Variants in GOLGA8B observed in about 807,000 individuals in gnomAD.
GOLGA8B encodes golgin subfamily A member 8B.
A neutral mutation model predicts 15.6 loss-of-function variants in GOLGA8B; 1 was observed. The ratio of observed to expected loss-of-function variants is 0.06; its 90% CI spans 0.02 to 0.30. The LOEUF is 0.30. Ranked by LOEUF, GOLGA8B falls within the 10% of genes least tolerant of loss-of-function variation. GOLGA8B has a pLI of 1.00. For synonymous variants in GOLGA8B, 9 were observed against 80.3 expected, an observed-to-expected ratio of 0.11 and a Z score of 4.75; for missense variants, 17 against 201.3, an observed-to-expected ratio of 0.08 and a Z score of 5.54.
chr15:34,581,157 A>G (rs1488251236), intron 1 of GOLGA8B, among the ~76,000 whole-genome samples: 1 of 152,228 alleles, frequency 6.6e-6, no homozygotes, highest in Admixed American at 6.5e-5. Flanking sequence ...ACTTCAGACC[A>G]TGGTGTCACC....
At chr15:34,577,235 C>G (rs1053549884) in intron 1 of GOLGA8B, among the ~76,000 whole-genome samples, 1 of 152,072 alleles carries the variant, frequency 6.6e-6, no homozygotes, top group Admixed American at 6.6e-5. Flanking sequence ...GTTTTAATTG[C>G]ACAATGCACA....
chr15:34,581,889 C>G (rs190705412), intron 1 of GOLGA8B, among the ~76,000 whole-genome samples: 16 of 152,324 alleles, frequency 1.1e-4, no homozygotes, highest in African/African-American at 2.9e-4. Flanking sequence ...CCAGCCCAGC[C>G]AGGGAGCCCA....
intron 1 of GOLGA8B, among the ~76,000 whole-genome samples, chr15:34,582,018 C>T (rs149285849): frequency 3.3e-5 from 5 of 152,282 alleles, no homozygotes; most frequent in Non-Finnish European, 5.9e-5. Context: ...GCAAGTTCCA[C>T]GTGTCCTTAA....
intron 1 of GOLGA8B, among the ~76,000 whole-genome samples, chr15:34,577,150 G>A (rs1372176072): frequency 6.6e-6 from 1 of 152,022 alleles, no homozygotes; most frequent in Non-Finnish European, 1.5e-5. Flanking sequence ...GCTGCCACCA[G>A]CTCCGGATAA....
chr15:34,567,948 C>T (rs1436293858), intron 1 of GOLGA8B, among the ~76,000 whole-genome samples: 2 of 151,576 alleles, frequency 1.3e-5, no homozygotes, highest in African/African-American at 2.4e-5. Context: ...CAGAACCCAT[C>T]CCAAACTGGA....
intron 1 of GOLGA8B, among the ~76,000 whole-genome samples, chr15:34,581,088 C>T (rs1808501): frequency 0.36 from 55,456 of 152,080 alleles, 10,548 homozygotes; most frequent in Admixed American, 0.45. Context: ...GTGTGCAGGG[C>T]CTCGATCCCC....
In GOLGA8B at chr15:34,525,599, T is replaced by C. The variant is rs1894424730; in HGVS notation, c.*2033A>G. ...TTTATATTATTTTAAAATGACTCTT[T>C]AGGATACAGTTTTAAACCCACGGGC... On this transcript the variant is annotated 3_prime_UTR_variant, in exon 24 of 24. Transcript: ENST00000683415. The C allele has an allele frequency of 6.7e-6, 1 of 149,948 alleles. No individual in the cohort carries two copies. Among genetic ancestry groups the C allele is most frequent in the Non-Finnish European group, 1.5e-5 (1 of 67,290 alleles). The allele number at this position is 149,948 out of a possible 1,614,324, so 9.3% of individuals were successfully genotyped here. A position where few individuals can be genotyped will look rare whatever the true frequency, so the allele number is the denominator to read the frequency against.
At chr15:34,569,123 C>G (rs200481355) in intron 1 of GOLGA8B, among the ~76,000 whole-genome samples, 1,599 of 145,110 alleles carry the variant, frequency 0.011, 19 homozygotes, top group Admixed American at 0.029. Context: ...AGTTGCTCTT[C>G]CACTAGGCTG....
chr15:34,543,453 C>T lies in GOLGA8B; in HGVS notation c.-382+1405G>A, dbSNP rs1019688483. On this transcript the variant is annotated intron_variant, in intron 7 of 23. Coordinates refer to ENST00000683415, the MANE Select transcript of GOLGA8B (RefSeq NM_001023567.5). ...AACTCCTGGGCTTATGCCATCCTCC[C>T]GCCTCAGCCTCTCAAAAAGTGCTGA... 3.2e-4 allele frequency among the ~76,000 whole-genome samples: 42 copies of T among 132,090 alleles called. 2 individuals carry two copies. Among genetic ancestry groups the T allele is most frequent in the Non-Finnish European group, 4.0e-4 (25 of 62,206 alleles). The allele number at this position is 132,090 out of a possible 152,430, so 86.7% of individuals were successfully genotyped here.
At chr15:34,563,798 C>G (rs1317580980) in intron 1 of GOLGA8B, among the ~76,000 whole-genome samples, 1 of 144,876 alleles carries the variant, frequency 6.9e-6, no homozygotes. Context: ...TGTGAATTAC[C>G]TGATGAAATT....
At chr15:34,556,773 A>C in intron 1 of GOLGA8B, 1 of 986,130 alleles carries the variant, frequency 1.0e-6, no homozygotes, top group South Asian at 1.4e-5. Context: ...CTTCAAGTCC[A>C]AGACCAGACC....
intron 1 of GOLGA8B, among the ~76,000 whole-genome samples, chr15:34,578,381 T>C (rs951345320): frequency 1.5e-4 from 23 of 152,274 alleles, no homozygotes; most frequent in African/African-American, 3.9e-4. Context: ...TCAGCACGTG[T>C]TGAAAATTAG....
intron 1 of GOLGA8B, among the ~76,000 whole-genome samples, chr15:34,574,476 C>G (rs926903573): frequency 1.3e-5 from 2 of 151,822 alleles, no homozygotes; most frequent in African/African-American, 4.8e-5. Context: ...GCTAATTTTT[C>G]TATTTTTTTG....
In GOLGA8B at chr15:34,527,080, G is replaced by A. The variant is rs1451781758; in HGVS notation, c.*552C>T. ...GGAGGAAAGGCTGTTTCCAGTTCTC[G>A]GCCTTTAAACAGCTCTAAGTGTCAG... On this transcript the variant is annotated 3_prime_UTR_variant, in exon 24 of 24. Coordinates refer to ENST00000683415, the MANE Select transcript of GOLGA8B (RefSeq NM_001023567.5). The A allele has an allele frequency of 1.2e-5, 2 of 170,254 alleles. No individual in the cohort carries two copies. Among genetic ancestry groups the A allele is most frequent in the Non-Finnish European group, 2.5e-5 (2 of 80,434 alleles). 10.5% of individuals were successfully genotyped at this position (170,254 alleles called of 1,614,324 possible). A position where few individuals can be genotyped will look rare whatever the true frequency, so the allele number is the denominator to read the frequency against.
chr15:34,573,600 T>A (rs1888985483), intron 1 of GOLGA8B, among the ~76,000 whole-genome samples: 1 of 145,922 alleles, frequency 6.9e-6, no homozygotes, highest in Non-Finnish European at 1.5e-5. Context: ...CTTCCACACA[T>A]AGAAAATAAT....
At chr15:34,575,716 A>T (rs1889057434) in intron 1 of GOLGA8B, among the ~76,000 whole-genome samples, 1 of 152,072 alleles carries the variant, frequency 6.6e-6, no homozygotes, top group Non-Finnish European at 1.5e-5. Context: ...GGGGTCCATG[A>T]TCCACCCCAA....
chr15:34,557,031 G>A (rs1888507294), intron 1 of GOLGA8B, among the ~76,000 whole-genome samples: 1 of 141,360 alleles, frequency 7.1e-6, no homozygotes, highest in Non-Finnish European at 1.6e-5. Context: ...CAGGACTAAA[G>A]CCGGTTGAGG....
chr15:34,573,150 T>A (rs980600531), intron 1 of GOLGA8B, among the ~76,000 whole-genome samples: 41 of 152,212 alleles, frequency 2.7e-4, no homozygotes, highest in African/African-American at 9.7e-4. Context: ...TGGGGAGCGC[T>A]GCCCCTCAGA....
intron 1 of GOLGA8B, among the ~76,000 whole-genome samples, chr15:34,573,536 CAAAAAAA>C (rs60984933): frequency 0.15 from 12,622 of 86,826 alleles, 670 homozygotes; most frequent in Non-Finnish European, 0.2. Flanking sequence ...GACTCCGTCT[CAAAAAAA>C]AAAAAAAAAA....
Sources: gnomAD v4.1 joint callset for allele counts (sites outside exome capture counted in the v4.1 genomes callset) on GRCh38, gnomAD v4.1.1 for gene constraint, MANE v1.5 for transcripts, NCBI Gene and HGNC (gene_info 2026-07-23, HGNC 2026-07-21) for gene names.